GABRA2: variants seen among roughly 807,000 people sequenced by gnomAD.
GABRA2 encodes gamma-aminobutyric acid type A receptor subunit alpha2.
Under a neutral mutation model 48.7 loss-of-function variants are expected in GABRA2, and 16 were observed. The ratio of observed to expected loss-of-function variants is 0.33; its 90% CI spans 0.22 to 0.50. The LOEUF (loss-of-function observed/expected upper bound fraction) is 0.50, where lower values mean the gene tolerates loss of function less well. Ranked by LOEUF, GABRA2 falls within the 20% of genes least tolerant of loss-of-function variation. GABRA2 has a pLI of 0.98. For missense variants in GABRA2, 275 were observed against 535.6 expected (o/e 0.51, Z 4.80); for synonymous variants, 185 against 184.5 (o/e 1.00, Z -0.02).
At chr4:46,379,971 TCCA>T (rs1263550703) in intron 3 of GABRA2, among the ~76,000 whole-genome samples, 1 of 152,166 alleles carries the variant, frequency 6.6e-6, no homozygotes, top group Non-Finnish European at 1.5e-5. Flanking sequence ...TCTCGATGTC[TCCA>T]CCACCCATAA....
At position 46,303,470 on chromosome 4, in the gene GABRA2, T is replaced by C; in HGVS notation, c.846A>G (p.Arg282=). ...TGTGTATTCACTCACCAAACACAGT[T>C]CTTGCAGGCACAGATTCTCTGTTAA... ...FWLNRESVPA[R]TVFGVTTVLT... is the part of the protein sequence containing the mutation. The change falls in exon 8 of 10, where the codon AGA becomes AGG. Residue 282 remains arginine (R), a synonymous_variant. Coordinates refer to ENST00000381620, the MANE Select transcript of GABRA2 (RefSeq NM_000807.4). 3 of 1,614,018 alleles carry C rather than the reference T, an allele frequency of 1.9e-6. No homozygotes were observed. The highest frequency in any genetic ancestry group is 2.5e-6 in the Non-Finnish European group (3 of 1,179,904).
chr4:46,296,346 A>G (rs1724683983), intron 8 of GABRA2, among the ~76,000 whole-genome samples: 1 of 152,138 alleles, frequency 6.6e-6, no homozygotes, highest in South Asian at 2.1e-4. Flanking sequence ...CACCAGAGGA[A>G]ACATCAATGA....
chr4:46,290,476 T>C (rs1385814284), intron 8 of GABRA2, among the ~76,000 whole-genome samples: 1 of 152,120 alleles, frequency 6.6e-6, no homozygotes, highest in Non-Finnish European at 1.5e-5. Context: ...AGTGGACAAG[T>C]CTTTCACCTT....
rs142433224 is a variant in GABRA2 at position 46,351,925 on chromosome 4, G to A, written c.188-19243C>T. On this transcript the variant is annotated intron_variant, in intron 3 of 9. Transcript: ENST00000381620. ...ACCATATCTTCTTATAAAAGTATTCGTTATATAAACTTATAAGTTGATACA... is the reference window on the plus strand; with the variant it reads ...ACCATATCTTCTTATAAAAGTATTCATTATATAAACTTATAAGTTGATACA... 2.6e-3 allele frequency among the ~76,000 whole-genome samples: 393 copies of A among 149,966 alleles called. 5 individuals are homozygous for A. Among genetic ancestry groups the A allele is most frequent in the African/African-American group, 9.2e-3 (378 of 40,962 alleles).
At chr4:46,386,670 T>C (rs1302745339) in intron 2 of GABRA2, 2 of 154,032 alleles carry the variant, frequency 1.3e-5, no homozygotes, top group African/African-American at 4.8e-5. Context: ...CTTTTTCATA[T>C]GTATTTTTCT....
intron 4 of GABRA2, among the ~76,000 whole-genome samples, chr4:46,317,108 GACTA>G (rs1186887271): frequency 6.6e-6 from 1 of 151,938 alleles, no homozygotes; most frequent in Admixed American, 6.6e-5. Flanking sequence ...CAACTGAACA[GACTA>G]GGCCTCTGTG....
chr4:46,329,686 G>T (rs1731006223), intron 4 of GABRA2, among the ~76,000 whole-genome samples: 2 of 152,044 alleles, frequency 1.3e-5, no homozygotes, highest in East Asian at 1.9e-4. Context: ...GTTTAAAAAA[G>T]AATTTAGCTG....
At chr4:46,348,535 A>C (rs1734557746) in intron 3 of GABRA2, among the ~76,000 whole-genome samples, 1 of 152,022 alleles carries the variant, frequency 6.6e-6, no homozygotes, top group Admixed American at 6.6e-5. Flanking sequence ...CAAATGTCCA[A>C]CAACGATAGA....
intron 3 of GABRA2, among the ~76,000 whole-genome samples, chr4:46,347,472 T>G (rs963026896): frequency 6.6e-6 from 1 of 151,862 alleles, no homozygotes; most frequent in South Asian, 2.1e-4. Flanking sequence ...GAACAAAGGT[T>G]TGAAGAACAC....
intron 9 of GABRA2, 39 bp from the exon 10 acceptor site, chr4:46,250,643 G>A (rs1268535571): frequency 1.4e-6 from 2 of 1,452,266 alleles, no homozygotes; most frequent in Middle Eastern, 1.8e-4. Flanking sequence ...TGTGGGTTGA[G>A]TCTGCTACTT....
At chr4:46,264,981 T>TTATATATATATATATATATATA (rs1553899760) in intron 8 of GABRA2, among the ~76,000 whole-genome samples, 2 of 47,860 alleles carry the variant, frequency 4.2e-5, no homozygotes, top group Admixed American at 1.9e-4. Context: ...CAGAATTACT[T>TTATATATATATATATATATATA]TATACATATA....
intron 3 of GABRA2, among the ~76,000 whole-genome samples, chr4:46,343,569 A>T (rs1733653413): frequency 6.6e-6 from 1 of 152,036 alleles, no homozygotes; most frequent in African/African-American, 2.4e-5. Context: ...GAAAAAAAGT[A>T]CAGAAAGAGA....
intron 3 of GABRA2, chr4:46,367,367 T>A (rs1714203077): frequency 6.6e-6 from 1 of 152,148 alleles, no homozygotes; most frequent in Non-Finnish European, 1.5e-5. Context: ...TTCTACATAC[T>A]GTGCCAAGCA....
At chr4:46,281,779 A>AT (rs941043099) in intron 8 of GABRA2, among the ~76,000 whole-genome samples, 11 of 152,198 alleles carry the variant, frequency 7.2e-5, no homozygotes, top group Admixed American at 5.2e-4. Flanking sequence ...GAGCAAAGAA[A>AT]TGAGACATTA....
At position 46,265,388 on chromosome 4, in the gene GABRA2, ATATATATAATATATTGTG is replaced by A. The variant is rs1188545297; in HGVS notation, c.857-3278_857-3261del. Among the ~76,000 whole-genome samples, 334 of 129,060 alleles carry A rather than the reference ATATATATAATATATTGTG, an allele frequency of 2.6e-3. 2 individuals are homozygous for A. The highest frequency in any genetic ancestry group is 7.6e-3 in the African/African-American group (266 of 34,934). The allele number at this position is 129,060 out of a possible 152,430, so 84.7% of individuals were successfully genotyped here. A position where few individuals can be genotyped will look rare whatever the true frequency, so the allele number is the denominator to read the frequency against. On this transcript the variant is annotated intron_variant, in intron 8 of 9. Transcript: ENST00000381620. ...GTGTGTGTGTGTGTGTGTACACAAT[ATATATATAATATATTGTG>A]TATATATATAATATATTGTGTATAT...
intron 3 of GABRA2, among the ~76,000 whole-genome samples, chr4:46,344,515 A>C (rs1300291511): frequency 6.6e-6 from 1 of 151,970 alleles, no homozygotes; most frequent in Non-Finnish European, 1.5e-5. Flanking sequence ...AAGGTGGAGG[A>C]AAAGAGACAT....
chr4:46,284,486 G>A (rs1018219284), intron 8 of GABRA2, among the ~76,000 whole-genome samples: 1 of 152,152 alleles, frequency 6.6e-6, no homozygotes, highest in Admixed American at 6.5e-5. Flanking sequence ...GCTATTGAAT[G>A]AATTGGATAA....
chr4:46,273,710 C>G (rs1455544924), intron 8 of GABRA2, among the ~76,000 whole-genome samples: 1 of 151,830 alleles, frequency 6.6e-6, no homozygotes, highest in African/African-American at 2.4e-5. Flanking sequence ...CACAAGACAT[C>G]CAAGCACAGG....
In GABRA2 at chr4:46,247,107, A is replaced by G. The variant is rs532716367; in HGVS notation, c.*3201T>C. On this transcript the variant is annotated 3_prime_UTR_variant, in exon 10 of 10. Transcript: ENST00000381620. ...AAAAAAAATTTAGAAACATGGCTCA[A>G]GGGGATCACTTATCCAAACCTGAGA... 6.6e-6 allele frequency among the ~76,000 whole-genome samples: 1 copy of G among 151,436 alleles called. No homozygotes were observed. The highest frequency in any genetic ancestry group is 6.6e-5 in the Admixed American group (1 of 15,138).
Sources: gnomAD v4.1 joint callset for allele counts (sites outside exome capture counted in the v4.1 genomes callset) on GRCh38, gnomAD v4.1.1 for gene constraint, MANE v1.5 for transcripts, NCBI Gene and HGNC (gene_info 2026-07-23, HGNC 2026-07-21) for gene names.